Variants in VWF observed in about 807,000 individuals in gnomAD.
VWF encodes the protein von Willebrand factor.
A neutral mutation model predicts 308.6 loss-of-function variants in VWF; 176 were observed. That is an observed-to-expected ratio of 0.57 (90% CI 0.50 to 0.65). The LOEUF (loss-of-function observed/expected upper bound fraction) is 0.65, where lower values mean the gene tolerates loss of function less well. Among genes scored for constraint, VWF ranks in the 30% least tolerant of loss-of-function variants. The pLI is 0.00. For synonymous variants in VWF, 1,385 were observed against 1,443.4 expected (o/e 0.96, Z 0.92); for missense variants, 3,146 against 3,648.2 (o/e 0.86, Z 3.55).
At chr12:6,067,351 A>G (rs1565850736) in intron 10 of VWF, among the ~76,000 whole-genome samples, 1 of 152,132 alleles carries the variant, frequency 6.6e-6, no homozygotes, top group Non-Finnish European at 1.5e-5. Flanking sequence ...TTCTCAGAGC[A>G]CTCTTATCTA....
intron 6 of VWF, among the ~76,000 whole-genome samples, chr12:6,079,565 G>A (rs577962484): frequency 6.6e-5 from 10 of 151,258 alleles, no homozygotes; most frequent in African/African-American, 1.7e-4. Flanking sequence ...AGCTGAGATC[G>A]CACCACTGCA....
chr12:5,979,840 G>A (rs1943575816), intron 42 of VWF, among the ~76,000 whole-genome samples: 1 of 150,948 alleles, frequency 6.6e-6, no homozygotes, highest in African/African-American at 2.4e-5. Flanking sequence ...AGGAGATCGA[G>A]ACCATCCTGG....
At chr12:5,992,817 GT>G (rs1246041623) in intron 37 of VWF, among the ~76,000 whole-genome samples, 2 of 152,168 alleles carry the variant, frequency 1.3e-5, no homozygotes, top group African/African-American at 4.8e-5. Context: ...TTCCCTCTGT[GT>G]GCACAGTAAA....
Position 5,994,187 on chromosome 12 carries a change from G to T in VWF, c.6273C>A (p.Asn2091Lys). 1 of 1,614,000 alleles carries T rather than the reference G, an allele frequency of 6.2e-7. No homozygotes were observed. Among genetic ancestry groups the T allele is most frequent in the Non-Finnish European group, 8.5e-7 (1 of 1,180,014 alleles). The change falls in exon 37 of 52, where the codon AAC becomes AAA. Residue 2091 changes from asparagine to lysine, a missense_variant. By Grantham distance (94) the Asn-to-Lys change is moderately conservative. This residue lies in a region of VWF where 989 missense variants were observed against 1,117.4 expected (regional missense o/e 0.89). Coordinates refer to ENST00000261405, the MANE Select transcript of VWF (RefSeq NM_000552.5). ...CCCTCAGCATGAAGTCATTGGCTCC[G>T]TTCTCATCACAGATCCCTAGAGAAA... ...TYGLCGICDE[N>K]GANDFMLRDG...
intron 34 of VWF, among the ~76,000 whole-genome samples, chr12:6,006,439 C>T (rs1189783078): frequency 6.6e-6 from 1 of 152,168 alleles, no homozygotes; most frequent in Non-Finnish European, 1.5e-5. Context: ...GTAGAATAAA[C>T]TCTCCAATCA....
At position 6,018,839 on chromosome 12, in the gene VWF, G is replaced by A. The variant is rs747570522; in HGVS notation, c.4579C>T (p.Arg1527Trp). 17 of 1,613,884 alleles carry A rather than the reference G, an allele frequency of 1.1e-5. No individual in the cohort carries two copies. The highest frequency in any genetic ancestry group is 4.5e-5 in the East Asian group (2 of 44,878). Reference protein sequence around the residue: ...SKEFMEEVIQRMDVGQDSIHV... With the variant: ...SKEFMEEVIQWMDVGQDSIHV... ...ATGCTGTCCTGGCCCACATCCATCC[G>A]CTGAATCACCTCCTCCATGAACTCC... Residue 1527 changes from arginine to tryptophan, a missense_variant, in exon 28 of 52, where the codon CGG (arginine) becomes TGG (tryptophan). By Grantham distance (101) the Arg-to-Trp change is moderately radical. Coordinates refer to ENST00000261405, the MANE Select transcript of VWF (RefSeq NM_000552.5).
Position 6,046,949 on chromosome 12 carries a change from C to T in VWF, c.2187-132G>A. ...TCCCATAACCCCTCCTGAAGCACAG[C>T]TTGCTAACGTTACCAATGGATGATC... On this transcript the variant is annotated intron_variant, in intron 16 of 51. Transcript: ENST00000261405. The surrounding 1 kb of genome is among the most constrained non-coding windows in gnomAD (Gnocchi z 5.0). The T allele has an allele frequency of 1.3e-6, 1 of 781,544 alleles. No individual in the cohort carries two copies. The highest frequency in any genetic ancestry group is 1.7e-5 in the African/African-American group (1 of 58,734). The allele number at this position is 781,544 out of a possible 1,614,324, so 48.4% of individuals were successfully genotyped here.
chr12:6,079,153 G>C (rs1944876060), intron 6 of VWF, among the ~76,000 whole-genome samples: 1 of 152,186 alleles, frequency 6.6e-6, no homozygotes, highest in Admixed American at 6.5e-5. Context: ...CACCTGAGTG[G>C]GCACAGCTGA....
intron 24 of VWF, among the ~76,000 whole-genome samples, chr12:6,025,192 G>C (rs1415406928): frequency 2.6e-5 from 4 of 152,206 alleles, no homozygotes; most frequent in Non-Finnish European, 5.9e-5. Context: ...AGGGGTTTTA[G>C]GGGGTGGGAG....
At chr12:5,952,245 T>C (rs1227830750) in intron 49 of VWF, 146 bp downstream of exon 49, 3 of 1,202,420 alleles carry the variant, frequency 2.5e-6, no homozygotes, top group East Asian at 2.4e-5. Flanking sequence ...TAGGCTTTGA[T>C]TTCGTAATCT....
chr12:5,981,714 G>C, intron 42 of VWF, 72 bp downstream of exon 42: 2 of 1,515,178 alleles, frequency 1.3e-6, no homozygotes, highest in South Asian at 2.3e-5. Context: ...TGGGTGGATA[G>C]AAGGATAAAC....
At chr12:6,103,503 CGTA>C (rs1945204981) in intron 5 of VWF, among the ~76,000 whole-genome samples, 1 of 121,324 alleles carries the variant, frequency 8.2e-6, no homozygotes, top group African/African-American at 4.2e-5. Flanking sequence ...TATACACACA[CGTA>C]TATATATACA....
At position 6,019,372 on chromosome 12, in the gene VWF, T is replaced by A. The variant is rs2136413240; in HGVS notation, c.4046A>T (p.Tyr1349Phe). Residue 1349 changes from tyrosine (Y) to phenylalanine (F), a missense_variant, in exon 28 of 52, where the codon TAT becomes TTT. Physicochemically the swap from Tyr to Phe is conservative, Grantham distance 22. Around this residue, in one of 3 missense-constraint regions of VWF, gnomAD observed 853 missense variants for 1,177.8 expected, o/e 0.72. Transcript: ENST00000261405. The surrounding 1 kb of genome is among the most constrained non-coding windows in gnomAD (Gnocchi z 5.8). ...GGTGGAGGCCACCTGGCTGCCCGCA[T>A]ACTTCACCTGGCTGGCAATGCGCCG... The part of the protein sequence containing the change: ...ELRRIASQVK[Y>F]AGSQVASTSE... The A allele has an allele frequency of 1.9e-6, 3 of 1,613,948 alleles. No individual in the cohort carries two copies. The highest frequency in any genetic ancestry group is 2.5e-6 in the Non-Finnish European group (3 of 1,179,868).
rs775545550 is a variant in VWF at position 6,034,641 on chromosome 12, C to A, written c.2685+47G>T. 3.1e-6 allele frequency: 5 copies of A among 1,612,950 alleles called. No individual in the cohort carries two copies. In the South Asian group the frequency reaches 5.5e-5, roughly 18 times the overall value. ...CCAACCTGAGGCCACACCTCCCACC[C>A]CTCCTAGAAAGAAACAGCACCCTCT... On this transcript the variant is annotated intron_variant, in intron 20 of 51. Coordinates refer to ENST00000261405, the MANE Select transcript of VWF (RefSeq NM_000552.5).
rs1193489623 is a variant in VWF, at chr12:5,971,657, G to A, written c.7490C>T (p.Ser2497Phe). 2 of 1,614,114 alleles carry A rather than the reference G, an allele frequency of 1.2e-6. No homozygotes were observed. Among genetic ancestry groups the A allele is most frequent in the Non-Finnish European group, 1.7e-6 (2 of 1,180,048 alleles). Residue 2497 changes from serine (S) to phenylalanine (F), a missense_variant, in exon 44 of 52, where the codon TCT becomes TTT. By Grantham distance (155) the Ser-to-Phe change is radical. Coordinates refer to ENST00000261405, the MANE Select transcript of VWF (RefSeq NM_000552.5). ...TGAGCCAGTCACCACCTCACAGGCA[G>A]ATGGCAGGCACCTTCCACAGCACTC... ...EGECCGRCLP[S>F]ACEVVTGSPR...
chr12:5,966,833 G>T (rs1426890582), intron 47 of VWF, among the ~76,000 whole-genome samples: 1 of 152,240 alleles, frequency 6.6e-6, no homozygotes, highest in Non-Finnish European at 1.5e-5. Context: ...GGCCCCTCCT[G>T]AGCTTGCAGG....
chr12:6,085,553 T>G (rs915505647), intron 6 of VWF, among the ~76,000 whole-genome samples: 2 of 152,160 alleles, frequency 1.3e-5, no homozygotes, highest in African/African-American at 4.8e-5. Context: ...TAAAGGATTT[T>G]GGGAACATTA....
intron 10 of VWF, among the ~76,000 whole-genome samples, chr12:6,070,813 G>A (rs1443734115): frequency 2.0e-5 from 3 of 152,220 alleles, no homozygotes; most frequent in Non-Finnish European, 2.9e-5. Context: ...GGGACAGGAT[G>A]GGAGGAATCA....
In VWF at chr12:5,983,794, G is replaced by GAGATAGATAAGATAGATAGATAGAT. The variant is rs1555191850; in HGVS notation, c.6977-541_6977-540insATCTATCTATCTATCTTATCTATCT. On this transcript the variant is annotated intron_variant, in intron 40 of 51. Coordinates refer to ENST00000261405, the MANE Select transcript of VWF (RefSeq NM_000552.5). ...ATAGGATAGATAACTAGATACAATA[G>GAGATAGATAAGATAGATAGATAGAT]AGATAGATAGATAGATAGATAGATG... Among the ~76,000 whole-genome samples, 25 of 148,780 alleles carry GAGATAGATAAGATAGATAGATAGAT rather than the reference G, an allele frequency of 1.7e-4. No homozygotes were observed. In the East Asian group the frequency reaches 4.8e-3, roughly 29 times the overall value.
Sources: gnomAD v4.1 joint callset for allele counts (sites outside exome capture counted in the v4.1 genomes callset) on GRCh38, gnomAD v4.1.1 for gene constraint, gnomAD v4.1.1 regional missense constraint, Gnocchi (gnomAD v3.1) non-coding constraint, MANE v1.5 for transcripts, NCBI Gene and HGNC (gene_info 2026-07-23, HGNC 2026-07-21) for gene names.